The following STK35 variants were observed in gnomAD, a reference collection of about 807,000 sequenced individuals.
STK35 encodes serine/threonine-protein kinase 35.
In STK35, 17 loss-of-function variants were observed where a neutral mutation model predicts 37.3. The observed-to-expected ratio is 0.46, with a 90% CI of 0.31 to 0.68. The LOEUF (loss-of-function observed/expected upper bound fraction) is 0.68, where lower values mean the gene tolerates loss of function less well. STK35 is among the 30% of genes least tolerant of loss of function. The pLI, the probability that STK35 is intolerant of heterozygous loss-of-function variation, is 0.05. For synonymous variants in STK35, 385 were observed against 319.1 expected (o/e 1.21, Z -2.20); for missense variants, 595 against 746.7 (o/e 0.80, Z 2.37).
intron 3 of STK35, among the ~76,000 whole-genome samples, chr20:2,136,708 C>T (rs1318811753): frequency 6.6e-6 from 1 of 152,214 alleles, no homozygotes; most frequent in Non-Finnish European, 1.5e-5. Flanking sequence ...TGAGCTCTTC[C>T]TAAAAACCCA....
chr20:2,111,595 C>G (rs928137423), intron 2 of STK35, among the ~76,000 whole-genome samples: 19 of 152,076 alleles, frequency 1.2e-4, no homozygotes, highest in Admixed American at 8.5e-4. Flanking sequence ...CTACTCTATT[C>G]GAGAGGCTGA....
In STK35 at chr20:2,129,615, A is replaced by G. The variant is rs189252730; in HGVS notation, c.*37+12200A>G. 2.9e-3 allele frequency among the ~76,000 whole-genome samples: 441 copies of G among 152,266 alleles called. 1 individual carries two copies. The highest frequency in any genetic ancestry group is 9.7e-3 in the African/African-American group (404 of 41,544). On this transcript the variant is annotated intron_variant, in intron 3 of 3. Coordinates refer to ENST00000381482, the MANE Select transcript of STK35 (RefSeq NM_080836.4). ...CCTCTATTAATAACACATGGGTGAA[A>G]AAAGCAGACGTGGTCCTCACCCTTG...
chr20:2,131,759 C>A (rs895196677), intron 3 of STK35, among the ~76,000 whole-genome samples: 17 of 151,610 alleles, frequency 1.1e-4, no homozygotes, highest in Non-Finnish European at 2.1e-4. Context: ...CTCTGTCACC[C>A]AGGCTGGAGT....
intron 3 of STK35, among the ~76,000 whole-genome samples, chr20:2,122,127 A>G (rs538061228): frequency 2.6e-5 from 4 of 152,332 alleles, no homozygotes; most frequent in Non-Finnish European, 5.9e-5. Context: ...TGAGCTCACG[A>G]GTTTGAGACC....
intron 2 of STK35, 88 bp from the exon 3 acceptor site, chr20:2,116,578 C>A: frequency 7.1e-7 from 1 of 1,398,974 alleles, no homozygotes; most frequent in Non-Finnish European, 9.7e-7. Flanking sequence ...TCACCAATGT[C>A]ACTCTTGAAT....
At chr20:2,127,239 A>G (rs900791370) in intron 3 of STK35, among the ~76,000 whole-genome samples, 10 of 151,468 alleles carry the variant, frequency 6.6e-5, no homozygotes, top group African/African-American at 2.2e-4. Flanking sequence ...ACCCTTCACC[A>G]TGTACAGCAC....
chr20:2,145,181 C>G lies in STK35; in HGVS notation c.*1435C>G, dbSNP rs1986240405. ...AAGCTTCCCTCCCCCTGGGCTGCTG[C>G]TCTGAGCCCATCTGTTCTCCCCCTG... On this transcript the variant is annotated 3_prime_UTR_variant, in exon 4 of 4. Transcript: ENST00000381482. 1 of 152,482 alleles carries G rather than the reference C, an allele frequency of 6.6e-6. No homozygotes were observed. Among genetic ancestry groups the G allele is most frequent in the African/African-American group, 2.4e-5 (1 of 41,436 alleles). 9.4% of individuals were successfully genotyped at this position (152,482 alleles called of 1,614,324 possible). A position where few individuals can be genotyped will look rare whatever the true frequency, so the allele number is the denominator to read the frequency against.
intron 3 of STK35, among the ~76,000 whole-genome samples, chr20:2,121,333 T>G (rs557433256): frequency 6.6e-6 from 1 of 152,286 alleles, no homozygotes; most frequent in Admixed American, 6.5e-5. Context: ...TATTGGATTT[T>G]GGGTATTTTT....
At chr20:2,119,268 G>A (rs1265023280) in intron 3 of STK35, among the ~76,000 whole-genome samples, 1 of 152,234 alleles carries the variant, frequency 6.6e-6, no homozygotes, top group African/African-American at 2.4e-5. Flanking sequence ...AGAGTCAAGA[G>A]GAGGGAATTG....
rs1386381452 is a variant in STK35 at position 2,116,545 on chromosome 20, G to T, written c.893-121G>T. 5.5e-6 allele frequency: 6 copies of T among 1,090,376 alleles called. No individual in the cohort carries two copies. The African/African-American group carries it at 6.3e-5, about 11-fold the overall frequency. 67.5% of individuals were successfully genotyped at this position (1,090,376 alleles called of 1,614,324 possible). A position where few individuals can be genotyped will look rare whatever the true frequency, so the allele number is the denominator to read the frequency against. On this transcript the variant is annotated intron_variant, in intron 2 of 3. Coordinates refer to ENST00000381482, the MANE Select transcript of STK35 (RefSeq NM_080836.4). ...AAAGGCACTCAGTGCCAGTTGTGCA[G>T]GTCCCCTTGGAGCAGTTGTTTGTCA...
rs980466082 is a variant in STK35 at position 2,102,783 on chromosome 20, C to G, written c.310C>G (p.Pro104Ala). The G allele has an allele frequency of 6.8e-7, 1 of 1,464,568 alleles. No individual in the cohort carries two copies. 90.7% of individuals were successfully genotyped at this position (1,464,568 alleles called of 1,614,324 possible). Residue 104 changes from proline to alanine, a missense_variant, in exon 2 of 4, where the codon CCG (proline) becomes GCG (alanine). Physicochemically the swap from Pro to Ala is conservative, Grantham distance 27. Transcript: ENST00000381482. ...RCAGQVTIQG[P>A]APPRPRAGRR... ...TCGCCCGCAGGTCACAATCCAAGGT[C>G]CGGCTCCTCCGCGTCCCAGGGCCGG...
chr20:2,106,741 TACCCC>T (rs1985522930), intron 2 of STK35, among the ~76,000 whole-genome samples: 1 of 152,230 alleles, frequency 6.6e-6, no homozygotes, highest in African/African-American at 2.4e-5. Context: ...TTCTTGGTCT[TACCCC>T]ATTTTGTTTG....
At chr20:2,112,632 T>A (rs1985641780) in intron 2 of STK35, among the ~76,000 whole-genome samples, 1 of 152,178 alleles carries the variant, frequency 6.6e-6, no homozygotes, top group African/African-American at 2.4e-5. Context: ...GAAGCCTTTC[T>A]CAGCCTTAGT....
At position 2,130,328 on chromosome 20, in the gene STK35, G is replaced by GGCTGCGTTCATGGCTGAGTCTT. The variant is rs1382781210; in HGVS notation, c.*37+12922_*37+12943dup. On this transcript the variant is annotated intron_variant, in intron 3 of 3. Coordinates refer to ENST00000381482, the MANE Select transcript of STK35 (RefSeq NM_080836.4). Reference sequence around the variant, plus strand: ...GCACAGAATGGTCCCTTGGACTCGGGGCTGCGTTCATGGCTGAGTCTTGCT... The same window carrying GGCTGCGTTCATGGCTGAGTCTT: ...GCACAGAATGGTCCCTTGGACTCGGGGCTGCGTTCATGGCTGAGTCTTGCTGCGTTCATGGCTGAGTCTTGCT... Among the ~76,000 whole-genome samples, 4 of 152,256 alleles carry GGCTGCGTTCATGGCTGAGTCTT rather than the reference G, an allele frequency of 2.6e-5. No homozygotes were observed. The South Asian group carries it at 8.3e-4, about 32-fold the overall frequency.
intron 3 of STK35, among the ~76,000 whole-genome samples, chr20:2,122,674 G>C (rs1985839858): frequency 6.6e-6 from 1 of 152,084 alleles, no homozygotes. Context: ...GAGGTTGTTG[G>C]GGGAATCACA....
In STK35 at chr20:2,116,886, G is replaced by T. The variant is rs569978749; in HGVS notation, c.1113G>T (p.Arg371=). The T allele has an allele frequency of 4.3e-6, 7 of 1,614,200 alleles. No homozygotes were observed. In the South Asian group the frequency reaches 5.5e-5, roughly 13 times the overall value. ...LKPDNILITE[R]SGTPILKVAD... ...CAGACAACATCCTCATCACAGAGCGGTCTGGCACCCCCATCCTCAAAGTGG... is the reference window on the plus strand; with the variant it reads ...CAGACAACATCCTCATCACAGAGCGTTCTGGCACCCCCATCCTCAAAGTGG... The change falls in exon 3 of 4, where the codon CGG becomes CGT. Residue 371 remains arginine, a synonymous_variant. Coordinates refer to ENST00000381482, the MANE Select transcript of STK35 (RefSeq NM_080836.4).
At chr20:2,140,146 A>G (rs188013111) in intron 3 of STK35, among the ~76,000 whole-genome samples, 13 of 152,326 alleles carry the variant, frequency 8.5e-5, no homozygotes, top group Admixed American at 1.3e-4. Context: ...ATGGAAGGGC[A>G]CTACAGATGT....
intron 3 of STK35, among the ~76,000 whole-genome samples, chr20:2,130,328 G>A (rs570580527): frequency 6.6e-6 from 1 of 152,256 alleles, no homozygotes; most frequent in East Asian, 1.9e-4. Context: ...TTGGACTCGG[G>A]GCTGCGTTCA....
chr20:2,131,670 T>C (rs745551682), intron 3 of STK35, among the ~76,000 whole-genome samples: 2 of 152,182 alleles, frequency 1.3e-5, no homozygotes, highest in Non-Finnish European at 2.9e-5. Flanking sequence ...ACTTTTTTGC[T>C]TTCTAAACTT....
Sources: allele counts gnomAD v4.1 joint callset (sites outside exome capture counted in the v4.1 genomes callset), GRCh38; gene constraint gnomAD v4.1.1; transcripts MANE v1.5; gene names NCBI Gene and HGNC (gene_info 2026-07-23, HGNC 2026-07-21).